The following HTT variants were observed in gnomAD, a reference collection of about 807,000 sequenced individuals.
The protein encoded by HTT is huntington disease protein.
Under a neutral mutation model 362.3 loss-of-function variants are expected in HTT, and 104 were observed. The observed-to-expected ratio is 0.29, with a 90% CI of 0.24 to 0.34. HTT has a LOEUF of 0.34. HTT is among the 10% of genes least tolerant of loss of function. The pLI is 1.00. For synonymous variants in HTT, 1,577 were observed against 1,548.7 expected, an observed-to-expected ratio of 1.02 and a Z score of -0.43; for missense variants, 3,301 against 3,928.6, an observed-to-expected ratio of 0.84 and a Z score of 4.27.
intron 30 of HTT, among the ~76,000 whole-genome samples, chr4:3,172,705 A>G (rs1718049763): frequency 1.3e-5 from 2 of 152,196 alleles, no homozygotes; most frequent in South Asian, 4.1e-4. Flanking sequence ...ATTGCAAGGA[A>G]ACCCAAAACG....
At chr4:3,214,180 T>A (rs1047357632) in intron 50 of HTT, 45 bp downstream of exon 50, 1 of 1,356,414 alleles carries the variant, frequency 7.4e-7, no homozygotes, top group Non-Finnish European at 9.7e-7. Context: ...ATAGTTCCTG[T>A]CTGCTTCACC....
intron 34 of HTT, 118 bp from the exon 35 acceptor site, chr4:3,178,180 C>T: frequency 2.6e-6 from 2 of 768,254 alleles, no homozygotes; most frequent in South Asian, 3.4e-5. Context: ...ATCACGGACA[C>T]CTGTTAGCTT....
At chr4:3,177,461 A>G in intron 34 of HTT, 74 bp downstream of exon 34, 1 of 970,878 alleles carries the variant, frequency 1.0e-6, no homozygotes, top group Non-Finnish European at 1.6e-6. Context: ...TATTAAGTGA[A>G]TGTTTAAACT....
chr4:3,093,494 A>G (rs1393486391), intron 2 of HTT, among the ~76,000 whole-genome samples: 3 of 152,218 alleles, frequency 2.0e-5, no homozygotes, highest in Non-Finnish European at 4.4e-5. Flanking sequence ...GCTGGGCAGA[A>G]TAATGCTCCC....
At chr4:3,076,962 G>A (rs916202046) in intron 1 of HTT, among the ~76,000 whole-genome samples, 3 of 152,124 alleles carry the variant, frequency 2.0e-5, no homozygotes, top group African/African-American at 4.8e-5. Context: ...CGAATCACCT[G>A]AGGTCAGGAG....
At chr4:3,087,119 G>T in intron 2 of HTT, 97 bp downstream of exon 2, 1 of 640,494 alleles carries the variant, frequency 1.6e-6, no homozygotes, top group Non-Finnish European at 2.7e-6. Context: ...TATTTTAAAT[G>T]GATTCAGAAA....
At chr4:3,127,206 A>G (rs1209692835) in intron 11 of HTT, 58 bp from the exon 12 acceptor site, 2 of 1,274,582 alleles carry the variant, frequency 1.6e-6, no homozygotes, top group African/African-American at 2.9e-5. Flanking sequence ...CAAGCCTGTG[A>G]TTCCCTATTG....
chr4:3,218,166 A>G lies in HTT; in HGVS notation c.7242+214A>G, dbSNP rs1340037665. ...AGAAATACTGGGTTTTCTAAAATGA[A>G]CTGAGGCCCTACATCCCTAAGAGAT... On this transcript the variant is annotated intron_variant, in intron 52 of 66. Coordinates refer to ENST00000355072, the MANE Select transcript of HTT (RefSeq NM_001388492.1). This position sits in a 1 kb window ranked among gnomAD's most constrained non-coding sequence, Gnocchi z 4.4. 1.3e-5 allele frequency among the ~76,000 whole-genome samples: 2 copies of G among 152,220 alleles called. No individual in the cohort carries two copies. Among genetic ancestry groups the G allele is most frequent in the Middle Eastern group, 3.2e-3 (1 of 316 alleles).
intron 29 of HTT, among the ~76,000 whole-genome samples, chr4:3,167,348 G>T (rs1316146613): frequency 6.6e-6 from 1 of 152,174 alleles, no homozygotes; most frequent in South Asian, 2.1e-4. Context: ...TGGGATCACA[G>T]GTGTCAGCCA....
At chr4:3,178,575 T>C in intron 35 of HTT, 129 bp downstream of exon 35, 3 of 759,108 alleles carry the variant, frequency 4.0e-6, no homozygotes, top group Non-Finnish European at 6.6e-6. Context: ...TGTGTGTCTG[T>C]GTATGTGAAG....
intron 8 of HTT, among the ~76,000 whole-genome samples, chr4:3,120,932 ATT>A (rs1560556405): frequency 6.6e-6 from 1 of 152,078 alleles, no homozygotes; most frequent in African/African-American, 2.4e-5. Flanking sequence ...GCTGGGCTTT[ATT>A]TTCCCTTTCC....
chr4:3,079,443 G>T (rs902818959), intron 1 of HTT, among the ~76,000 whole-genome samples: 1 of 152,086 alleles, frequency 6.6e-6, no homozygotes, highest in Non-Finnish European at 1.5e-5. Flanking sequence ...TTTGAGTAAA[G>T]ACCTCAAGCG....
At chr4:3,238,736 A>ACCCCC in intron 65 of HTT, 82 bp from the exon 66 acceptor site, 5 of 590,654 alleles carry the variant, frequency 8.5e-6, no homozygotes, top group South Asian at 4.0e-5. Context: ...TCTGGCCCCC[A>ACCCCC]CCCCACCCCC....
chr4:3,237,791 G>A (rs1721610071), intron 64 of HTT, among the ~76,000 whole-genome samples: 1 of 152,134 alleles, frequency 6.6e-6, no homozygotes, highest in South Asian at 2.1e-4. Flanking sequence ...GGAACGTGAT[G>A]GTTGCTTTTC....
chr4:3,159,029 G>A (rs960011600), intron 28 of HTT, among the ~76,000 whole-genome samples: 1 of 152,148 alleles, frequency 6.6e-6, no homozygotes, highest in African/African-American at 2.4e-5. Context: ...CTCCTGCTGC[G>A]CAGCTTCTCA....
chr4:3,112,833 T>C (rs764304626), intron 6 of HTT, among the ~76,000 whole-genome samples: 41 of 152,202 alleles, frequency 2.7e-4, no homozygotes, highest in Non-Finnish European at 5.6e-4. Context: ...ATAGCTTTCC[T>C]TGAGTGCTTG....
intron 8 of HTT, among the ~76,000 whole-genome samples, chr4:3,119,032 A>C (rs1451448233): frequency 6.6e-6 from 1 of 152,246 alleles, no homozygotes; most frequent in East Asian, 1.9e-4. Context: ...ATATGCAGGA[A>C]CTTAGTTTGC....
chr4:3,122,542 C>T (rs1426992825), intron 9 of HTT, among the ~76,000 whole-genome samples: 1 of 152,176 alleles, frequency 6.6e-6, no homozygotes, highest in Non-Finnish European at 1.5e-5. Flanking sequence ...GGAATGCGTG[C>T]CTTACAAATA....
rs1018639413 is a variant in HTT at position 3,228,071 on chromosome 4, C to G, written c.7849-544C>G. Among the ~76,000 whole-genome samples, 1 of 152,170 alleles carries G rather than the reference C, an allele frequency of 6.6e-6. No homozygotes were observed. Among genetic ancestry groups the G allele is most frequent in the Admixed American group, 6.5e-5 (1 of 15,282 alleles). On this transcript the variant is annotated intron_variant, in intron 57 of 66. Coordinates refer to ENST00000355072, the MANE Select transcript of HTT (RefSeq NM_001388492.1). The surrounding 1 kb of genome is among the most constrained non-coding windows in gnomAD (Gnocchi z 4.3). Reference sequence around the variant, plus strand: ...TAGTGCCAGTGATGATGGAGAACAGCTTTTTATGGGCACACAGCCCACAGC... The same window carrying G: ...TAGTGCCAGTGATGATGGAGAACAGGTTTTTATGGGCACACAGCCCACAGC...
Sources: allele counts gnomAD v4.1 joint callset (sites outside exome capture counted in the v4.1 genomes callset), GRCh38; gene constraint gnomAD v4.1.1; non-coding constraint Gnocchi (gnomAD v3.1); transcripts MANE v1.5; gene names NCBI Gene and HGNC (gene_info 2026-07-23, HGNC 2026-07-21).